Variants in NR6A1 observed in about 807,000 individuals in gnomAD.
The protein encoded by NR6A1 is nuclear receptor subfamily 6 group A member 1.
NR6A1 carries 7 observed loss-of-function variants against 59.1 expected under a neutral mutation model. The observed-to-expected ratio is 0.12, with a 90% CI of 0.07 to 0.22. The LOEUF (loss-of-function observed/expected upper bound fraction) is 0.22. Ranked by LOEUF, NR6A1 falls within the 10% of genes least tolerant of loss-of-function variation. NR6A1 has a pLI of 1.00. For missense variants in NR6A1, 468 were observed against 611.6 expected (o/e 0.77, Z 2.48); for synonymous variants, 243 against 236.1 (o/e 1.03, Z -0.27).
At chr9:124,538,664 A>G (rs1280546494) in intron 5 of NR6A1, among the ~76,000 whole-genome samples, 5 of 152,190 alleles carry the variant, frequency 3.3e-5, no homozygotes, top group East Asian at 3.8e-4. Context: ...GTAGGTATTT[A>G]TATTATAATA....
In NR6A1 at chr9:124,737,608, G is replaced by A. The variant is rs376225113; in HGVS notation, c.101-4259C>T. On this transcript the variant is annotated intron_variant, in intron 1 of 9. Coordinates refer to ENST00000487099, the MANE Select transcript of NR6A1 (RefSeq NM_033334.4). ...TGGCCGGGCGCAGTGGCTCACACCT[G>A]TAATCCCAACACTTTGGGAGGCCAA... Among the ~76,000 whole-genome samples the A allele has an allele frequency of 2.6e-5, 4 of 152,212 alleles. No individual in the cohort carries two copies. The East Asian group carries it at 5.8e-4, about 22-fold the overall frequency.
Position 124,700,588 on chromosome 9 carries a change from A to G in NR6A1, c.142+32720T>C, listed in dbSNP as rs149232395. On this transcript the variant is annotated intron_variant, in intron 2 of 9. Transcript: ENST00000487099. ...ATGTTGTAGCATGTACTGGTAATTCATTCCTTTTTATTGTTGAATAAATAA... is the reference window on the plus strand; with the variant it reads ...ATGTTGTAGCATGTACTGGTAATTCGTTCCTTTTTATTGTTGAATAAATAA... Among the ~76,000 whole-genome samples, 199 of 152,026 alleles carry G rather than the reference A, an allele frequency of 1.3e-3. 1 individual carries two copies. Among genetic ancestry groups the G allele is most frequent in the African/African-American group, 4.5e-3 (188 of 41,470 alleles).
At chr9:124,607,010 G>C (rs1310000888) in intron 2 of NR6A1, 1 of 152,116 alleles carries the variant, frequency 6.6e-6, no homozygotes, top group Non-Finnish European at 1.5e-5. Context: ...TTGAGTAAAG[G>C]GAACAGGTAT....
chr9:124,679,088 A>C (rs1838045484), intron 2 of NR6A1, among the ~76,000 whole-genome samples: 1 of 152,214 alleles, frequency 6.6e-6, no homozygotes, highest in African/African-American at 2.4e-5. Context: ...TAAAGAACTT[A>C]CAATTCTCTG....
chr9:124,700,165 T>C (rs761008779), intron 2 of NR6A1, among the ~76,000 whole-genome samples: 8 of 150,832 alleles, frequency 5.3e-5, no homozygotes, highest in African/African-American at 2.0e-4. Context: ...ACATTTCATA[T>C]AGGAGAAATC....
intron 2 of NR6A1, among the ~76,000 whole-genome samples, chr9:124,556,088 T>C (rs1013789016): frequency 3.9e-5 from 6 of 152,132 alleles, no homozygotes; most frequent in Non-Finnish European, 2.9e-5. Context: ...CTGCGACCCA[T>C]AGATATCAGG....
intron 2 of NR6A1, among the ~76,000 whole-genome samples, chr9:124,652,754 A>G (rs970227265): frequency 6.6e-6 from 1 of 152,278 alleles, no homozygotes; most frequent in South Asian, 2.1e-4. Flanking sequence ...GAGGCCACAC[A>G]CTCACGCAGA....
intron 2 of NR6A1, among the ~76,000 whole-genome samples, chr9:124,697,356 A>T (rs908860620): frequency 6.6e-6 from 1 of 152,224 alleles, no homozygotes; most frequent in African/African-American, 2.4e-5. Context: ...TCTAACGAAC[A>T]AATAGCTAAT....
At chr9:124,770,860 G>A (rs1272708127) in intron 1 of NR6A1, among the ~76,000 whole-genome samples, 160 bp downstream of exon 1, 1 of 151,828 alleles carries the variant, frequency 6.6e-6, no homozygotes, top group Non-Finnish European at 1.5e-5. Flanking sequence ...GGAGAGGGAG[G>A]GTCCGCGCCA....
intron 2 of NR6A1, among the ~76,000 whole-genome samples, chr9:124,703,834 T>C (rs1458612405): frequency 1.3e-5 from 2 of 152,050 alleles, no homozygotes; most frequent in African/African-American, 4.8e-5. Flanking sequence ...TCCTTGATTT[T>C]TTTTTTTTAA....
At chr9:124,570,245 T>C (rs1283643092) in intron 2 of NR6A1, among the ~76,000 whole-genome samples, 1 of 152,092 alleles carries the variant, frequency 6.6e-6, no homozygotes, top group Non-Finnish European at 1.5e-5. Context: ...CCTTTCCCCT[T>C]TCCCCTCCAG....
chr9:124,598,743 T>C, intron 2 of NR6A1: 1 of 924,490 alleles, frequency 1.1e-6, no homozygotes, highest in Non-Finnish European at 1.7e-6. Flanking sequence ...GTCTTCTCCC[T>C]TCTCCTTCAC....
At chr9:124,682,266 T>C (rs1838189522) in intron 2 of NR6A1, among the ~76,000 whole-genome samples, 1 of 152,098 alleles carries the variant, frequency 6.6e-6, no homozygotes, top group South Asian at 2.1e-4. Flanking sequence ...CCTCCCAGAG[T>C]GCTGGGAATA....
At chr9:124,546,384 A>G (rs1169952146) in intron 3 of NR6A1, among the ~76,000 whole-genome samples, 3 of 152,242 alleles carry the variant, frequency 2.0e-5, no homozygotes, top group African/African-American at 4.8e-5. Context: ...CTATGTATGC[A>G]TCCTAGTGGA....
intron 2 of NR6A1, among the ~76,000 whole-genome samples, chr9:124,624,998 G>A (rs921125621): frequency 1.8e-4 from 25 of 142,578 alleles, no homozygotes; most frequent in African/African-American, 6.3e-4. Context: ...ATATATATTT[G>A]GATAACTTTC....
At chr9:124,694,514 C>T (rs1429760515) in intron 2 of NR6A1, among the ~76,000 whole-genome samples, 1 of 152,138 alleles carries the variant, frequency 6.6e-6, no homozygotes, top group Non-Finnish European at 1.5e-5. Flanking sequence ...TCATTCTAAC[C>T]TTTGCAAACC....
chr9:124,632,684 A>G (rs1328451058), intron 2 of NR6A1, among the ~76,000 whole-genome samples: 1 of 152,266 alleles, frequency 6.6e-6, no homozygotes, highest in Non-Finnish European at 1.5e-5. Flanking sequence ...GCTTATAACA[A>G]AAGTATCATG....
intron 2 of NR6A1, among the ~76,000 whole-genome samples, chr9:124,671,172 T>C (rs1837784002): frequency 6.6e-6 from 1 of 152,184 alleles, no homozygotes; most frequent in South Asian, 2.1e-4. Context: ...GAAAAAGATC[T>C]GGAGATCTGT....
At chr9:124,642,122 C>T (rs1470343399) in intron 2 of NR6A1, among the ~76,000 whole-genome samples, 3 of 152,154 alleles carry the variant, frequency 2.0e-5, no homozygotes, top group Non-Finnish European at 4.4e-5. Flanking sequence ...GATCTCAGCT[C>T]ACTGCAACCT....
Sources: gnomAD v4.1 joint callset for allele counts (sites outside exome capture counted in the v4.1 genomes callset) on GRCh38, gnomAD v4.1.1 for gene constraint, MANE v1.5 for transcripts, NCBI Gene and HGNC (gene_info 2026-07-23, HGNC 2026-07-21) for gene names.